The following FRMD4B variants were observed in gnomAD, a reference collection of about 807,000 sequenced individuals.
FRMD4B encodes FERM domain containing 4B.
FRMD4B carries 74 observed loss-of-function variants against 141.5 expected under a neutral mutation model. That is an observed-to-expected ratio of 0.52 (90% CI 0.43 to 0.63). The LOEUF (loss-of-function observed/expected upper bound fraction) is 0.63. Among genes scored for constraint, FRMD4B ranks in the 30% least tolerant of loss-of-function variants. FRMD4B has a pLI of 0.00. For synonymous variants in FRMD4B, 506 were observed against 467.9 expected, an observed-to-expected ratio of 1.08 and a Z score of -1.05; for missense variants, 1,366 against 1,253.4, an observed-to-expected ratio of 1.09 and a Z score of -1.36.
intron 4 of FRMD4B, among the ~76,000 whole-genome samples, chr3:69,293,961 T>C (rs1197236296): frequency 6.8e-6 from 1 of 147,632 alleles, no homozygotes; most frequent in Non-Finnish European, 1.5e-5. Context: ...GCTACAAAAA[T>C]GTCTGTTTTA....
Position 69,180,910 on chromosome 3 carries a change from G to A in FRMD4B, c.2840C>T (p.Ser947Leu), listed in dbSNP as rs9831516. The change falls in exon 21 of 23, where the codon TCG becomes TTG. Residue 947 changes from serine to leucine, a missense_variant. Transcript: ENST00000398540. ...VPCSPSSRAS[S>L]YSSVSSTNAS... is the part of the protein sequence containing the mutation. ...TACAGTATTCTCACCTGAAGAGTAC[G>A]AGGATGCACGACTGCTTGGAGAACA... 1,524,333 of 1,602,998 alleles carry A rather than the reference G, an allele frequency of 0.95. 733,282 individuals carry two copies. Among genetic ancestry groups the A allele is most frequent in the Non-Finnish European group, 0.99 (1,164,661 of 1,171,758 alleles).
At chr3:69,538,139 C>A (rs1242126662) in intron 1 of FRMD4B, among the ~76,000 whole-genome samples, 1 of 152,146 alleles carries the variant, frequency 6.6e-6, no homozygotes, top group East Asian at 1.9e-4. Context: ...ATATGGTCGT[C>A]TTGTCACCCA....
intron 1 of FRMD4B, among the ~76,000 whole-genome samples, chr3:69,496,457 G>A (rs1003729413): frequency 3.3e-5 from 5 of 152,144 alleles, no homozygotes; most frequent in Admixed American, 2.6e-4. Context: ...ATTAGGGTCA[G>A]TCTTGGGACT....
intron 1 of FRMD4B, among the ~76,000 whole-genome samples, chr3:69,508,580 G>A (rs1199125939): frequency 6.6e-6 from 1 of 152,204 alleles, no homozygotes; most frequent in Admixed American, 6.5e-5. Flanking sequence ...GTAGGCTAGG[G>A]AAAGTAGTCT....
chr3:69,364,516 T>A lies in FRMD4B; in HGVS notation c.162+21312A>T, dbSNP rs114878313. ...GCAGCAATTCCAGTTTGCCTCTGAG[T>A]CAGCCTGGCTCTGGTTAAAGTCTAT... is the stretch of plus-strand genomic sequence containing the variant. On this transcript the variant is annotated intron_variant, in intron 1 of 22. Coordinates refer to ENST00000398540, the MANE Select transcript of FRMD4B (RefSeq NM_015123.3). Among the ~76,000 whole-genome samples the A allele has an allele frequency of 2.8e-3, 421 of 152,294 alleles. 3 individuals carry two copies. Among genetic ancestry groups the A allele is most frequent in the African/African-American group, 9.7e-3 (402 of 41,558 alleles).
intron 5 of FRMD4B, among the ~76,000 whole-genome samples, chr3:69,286,341 G>A (rs1700688524): frequency 3.9e-5 from 6 of 152,182 alleles, no homozygotes. Context: ...TTATCTAAAA[G>A]TAAATTGTAT....
intron 2 of FRMD4B, among the ~76,000 whole-genome samples, chr3:69,394,963 C>A (rs1704449582): frequency 2.0e-5 from 3 of 152,032 alleles, no homozygotes. Flanking sequence ...GGTAGTTGAA[C>A]AATGAGAACA....
At chr3:69,389,177 G>A (rs936437433), upstream of FRMD4B, among the ~76,000 whole-genome samples, 2 of 151,826 alleles carry the variant, frequency 1.3e-5, no homozygotes, top group Non-Finnish European at 1.5e-5. Flanking sequence ...GGAATTACAA[G>A]TGCACAACAC....
chr3:69,437,415 G>A (rs1478017121), intron 1 of FRMD4B, among the ~76,000 whole-genome samples: 1 of 148,744 alleles, frequency 6.7e-6, no homozygotes, highest in African/African-American at 2.5e-5. Flanking sequence ...CTTATGTTAT[G>A]TATGTGTGTA....
At chr3:69,222,031 C>A in intron 8 of FRMD4B, 108 bp from the exon 9 acceptor site, 1 of 695,434 alleles carries the variant, frequency 1.4e-6, no homozygotes, top group South Asian at 1.6e-5. Flanking sequence ...AGAAAGCCTT[C>A]ACCAACTTGT....
intron 1 of FRMD4B, among the ~76,000 whole-genome samples, chr3:69,350,919 A>G (rs932284785): frequency 6.6e-6 from 1 of 152,116 alleles, no homozygotes; most frequent in East Asian, 1.9e-4. Context: ...AACATGGCAC[A>G]TGTATACATA....
chr3:69,457,691 G>C (rs1053192104), intron 1 of FRMD4B, among the ~76,000 whole-genome samples: 1 of 152,130 alleles, frequency 6.6e-6, no homozygotes, highest in African/African-American at 2.4e-5. Context: ...CCACTGAATT[G>C]TTTCTGAAGC....
intron 3 of FRMD4B, among the ~76,000 whole-genome samples, chr3:69,307,721 C>T (rs147684287): frequency 2.6e-5 from 4 of 152,264 alleles, no homozygotes; most frequent in African/African-American, 9.6e-5. Context: ...TTCAACTGAG[C>T]TTGGAGCTTT....
chr3:69,207,512 A>C (rs13088684), intron 11 of FRMD4B, among the ~76,000 whole-genome samples: 103,397 of 151,854 alleles, frequency 0.68, 36,877 homozygotes, highest in Non-Finnish European at 0.78. Flanking sequence ...GTAAAGGAAT[A>C]GAAAAAACAA....
chr3:69,522,904 G>A (rs925693344), intron 1 of FRMD4B, among the ~76,000 whole-genome samples: 8 of 152,094 alleles, frequency 5.3e-5, no homozygotes, highest in Non-Finnish European at 1.0e-4. Context: ...AACCAGCAGA[G>A]TGTCGAGCTT....
intron 2 of FRMD4B, among the ~76,000 whole-genome samples, chr3:69,395,837 C>G (rs1261540464): frequency 2.0e-5 from 3 of 152,100 alleles, no homozygotes; most frequent in African/African-American, 4.8e-5. Context: ...GTTCAGGGAG[C>G]TTTAAGCAGT....
At chr3:69,276,661 G>T (rs1175157577) in intron 5 of FRMD4B, among the ~76,000 whole-genome samples, 1 of 152,126 alleles carries the variant, frequency 6.6e-6, no homozygotes, top group East Asian at 1.9e-4. Context: ...AAATGTAAAT[G>T]GCATTAAGAT....
intron 1 of FRMD4B, among the ~76,000 whole-genome samples, chr3:69,465,486 A>G (rs1705768420): frequency 6.6e-6 from 1 of 151,832 alleles, no homozygotes; most frequent in Non-Finnish European, 1.5e-5. Flanking sequence ...TGCTTACTGA[A>G]CCCATCGACT....
At position 69,263,205 on chromosome 3, in the gene FRMD4B, C is replaced by G. The variant is rs188139101; in HGVS notation, c.502-13106G>C. 1.8e-3 allele frequency among the ~76,000 whole-genome samples: 275 copies of G among 151,952 alleles called. 7 individuals carry two copies. The South Asian group carries it at 0.055, about 30-fold the overall frequency. ...CCGGGAGGTGGAGGTTGCAGTGAGC[C>G]GAGTTTGTGCCACTGCACTCCAACC... is the stretch of plus-strand genomic sequence containing the variant. On this transcript the variant is annotated intron_variant, in intron 5 of 22. Coordinates refer to ENST00000398540, the MANE Select transcript of FRMD4B (RefSeq NM_015123.3).
Sources: allele counts gnomAD v4.1 joint callset (sites outside exome capture counted in the v4.1 genomes callset), GRCh38; gene constraint gnomAD v4.1.1; transcripts MANE v1.5; gene names NCBI Gene and HGNC (gene_info 2026-07-23, HGNC 2026-07-21).